Variants in DYSF observed in about 807,000 individuals in gnomAD.
DYSF encodes dysferlin.
DYSF carries 212 observed loss-of-function variants against 274.9 expected under a neutral mutation model. The ratio of observed to expected loss-of-function variants is 0.77; its 90% CI spans 0.69 to 0.86. DYSF has a LOEUF of 0.86. Ranked by LOEUF, DYSF falls within the 40% of genes least tolerant of loss-of-function variation. The pLI is 0.00. For missense variants in DYSF, 2,666 were observed against 2,783.2 expected (o/e 0.96, Z 0.95); for synonymous variants, 1,091 against 1,078.7 (o/e 1.01, Z -0.22).
At chr2:71,579,722 G>A (rs1386206867) in intron 30 of DYSF, among the ~76,000 whole-genome samples, 1 of 152,148 alleles carries the variant, frequency 6.6e-6, no homozygotes, top group African/African-American at 2.4e-5. Context: ...AGCCGTGGGT[G>A]GCTACTTAAG....
intron 43 of DYSF, among the ~76,000 whole-genome samples, chr2:71,658,637 G>A (rs2094819924): frequency 1.3e-5 from 2 of 152,192 alleles, no homozygotes; most frequent in Non-Finnish European, 2.9e-5. Context: ...AAGAGAAAAG[G>A]AGGAGGAAGC....
chr2:71,546,872 C>T (rs1051924376), intron 17 of DYSF, among the ~76,000 whole-genome samples: 2 of 152,238 alleles, frequency 1.3e-5, no homozygotes. Context: ...CGGGGCAGAC[C>T]GCAGGTGATG....
At chr2:71,662,486 A>G (rs1291711525) in intron 45 of DYSF, among the ~76,000 whole-genome samples, 1 of 145,700 alleles carries the variant, frequency 6.9e-6, no homozygotes, top group Non-Finnish European at 1.5e-5. Context: ...GTGTGTATGT[A>G]TTTGTGTGTA....
chr2:71,480,856 C>G (rs1415917050), intron 1 of DYSF, 27 bp from the exon 2 acceptor site: 2 of 1,609,756 alleles, frequency 1.2e-6, no homozygotes, highest in South Asian at 1.1e-5. Context: ...ATGTGTCTCT[C>G]CATTCTCCCT....
At chr2:71,564,263 G>T in intron 24 of DYSF, 50 bp downstream of exon 24, 1 of 1,609,718 alleles carries the variant, frequency 6.2e-7, no homozygotes, top group Non-Finnish European at 8.5e-7. Flanking sequence ...CCAACATAAG[G>T]CCTTTCTCCC....
intron 42 of DYSF, among the ~76,000 whole-genome samples, chr2:71,645,280 G>A (rs2094549286): frequency 6.6e-6 from 1 of 152,150 alleles, no homozygotes; most frequent in Non-Finnish European, 1.5e-5. Flanking sequence ...GTAGCTCTCA[G>A]CAGATTGGGG....
At chr2:71,473,700 C>A (rs2082195594) in intron 1 of DYSF, among the ~76,000 whole-genome samples, 1 of 152,148 alleles carries the variant, frequency 6.6e-6, no homozygotes, top group Non-Finnish European at 1.5e-5. Context: ...CCATTTCCCA[C>A]CTGGACTTAA....
rs78357449 is a variant in DYSF, at chr2:71,518,677, C to T, written c.1003-1501C>T. 8.7e-4 allele frequency among the ~76,000 whole-genome samples: 133 copies of T among 152,302 alleles called. 2 individuals are homozygous for T. The East Asian group carries it at 0.022, about 25-fold the overall frequency. On this transcript the variant is annotated intron_variant, in intron 10 of 55. Transcript: ENST00000410020. The stretch of plus-strand genomic sequence containing the variant: ...GCACAAGCTTATTTTCCCCTCTCCC[C>T]TCTATCCAAGTATATCATGCCTTCC...
Position 71,555,103 on chromosome 2 carries a change from C to A in DYSF, c.2110-862C>A, listed in dbSNP as rs191796889. Among the ~76,000 whole-genome samples the A allele has an allele frequency of 2.8e-3, 424 of 151,836 alleles. 3 individuals are homozygous for A. The highest frequency in any genetic ancestry group is 5.4e-3 in the Non-Finnish European group (366 of 67,894). On this transcript the variant is annotated intron_variant, in intron 21 of 55. Coordinates refer to ENST00000410020, the MANE Select transcript of DYSF (RefSeq NM_001130987.2). ...AAGGTGGACAGAGAAGGGAAAGAGGCCATGGTGGTCCCACCTTCCCAGAGA... is the reference window on the plus strand; with the variant it reads ...AAGGTGGACAGAGAAGGGAAAGAGGACATGGTGGTCCCACCTTCCCAGAGA...
At chr2:71,529,345 A>G (rs993609971) in intron 14 of DYSF, among the ~76,000 whole-genome samples, 9 of 152,184 alleles carry the variant, frequency 5.9e-5, no homozygotes, top group Middle Eastern at 3.4e-3. Context: ...CTCTCAACTC[A>G]TGGCATTGAA....
chr2:71,578,828 T>C (rs2152829680), intron 30 of DYSF, among the ~76,000 whole-genome samples: 1 of 152,322 alleles, frequency 6.6e-6, no homozygotes, highest in African/African-American at 2.4e-5. Context: ...TGTCTGCTCA[T>C]TAGCACGGGC....
At chr2:71,634,765 T>A (rs1258355962) in intron 41 of DYSF, among the ~76,000 whole-genome samples, 1 of 152,178 alleles carries the variant, frequency 6.6e-6, no homozygotes, top group Non-Finnish European at 1.5e-5. Context: ...TGGGCTTCCA[T>A]AATGTCATGA....
intron 30 of DYSF, among the ~76,000 whole-genome samples, chr2:71,578,827 A>G (rs1015082296): frequency 2.0e-5 from 3 of 152,314 alleles, no homozygotes; most frequent in South Asian, 2.1e-4. Context: ...CTGTCTGCTC[A>G]TTAGCACGGG....
At chr2:71,545,593 C>G (rs1559124582) in intron 17 of DYSF, among the ~76,000 whole-genome samples, 1 of 152,134 alleles carries the variant, frequency 6.6e-6, no homozygotes, top group Non-Finnish European at 1.5e-5. Flanking sequence ...GGTCAGTACT[C>G]TTGGTATGGA....
chr2:71,669,280 C>T (rs1039495028), intron 50 of DYSF, 73 bp downstream of exon 50: 221 of 1,292,598 alleles, frequency 1.7e-4, no homozygotes, highest in African/African-American at 1.0e-4. Flanking sequence ...GTGCACAGCA[C>T]GGGGGGCTCT....
At chr2:71,610,117 A>G (rs188010764) in intron 36 of DYSF, among the ~76,000 whole-genome samples, 2 of 152,338 alleles carry the variant, frequency 1.3e-5, no homozygotes, top group East Asian at 1.9e-4. Context: ...ATTTATTATA[A>G]CAATTTCCCA....
chr2:71,662,721 G>GT (rs1467625387), intron 45 of DYSF, among the ~76,000 whole-genome samples: 1 of 147,982 alleles, frequency 6.8e-6, no homozygotes, highest in Non-Finnish European at 1.5e-5. Flanking sequence ...ATGTATGTGT[G>GT]TGTATGTGTA....
At chr2:71,540,337 C>T (rs753119070) in intron 17 of DYSF, among the ~76,000 whole-genome samples, 1 of 152,052 alleles carries the variant, frequency 6.6e-6, no homozygotes, top group Non-Finnish European at 1.5e-5. Flanking sequence ...TCTCGAACTC[C>T]TGGCCTCATG....
rs576022682 is a variant in DYSF, at chr2:71,639,362, G to A, written c.4528-4603G>A. On this transcript the variant is annotated intron_variant, in intron 41 of 55. Coordinates refer to ENST00000410020, the MANE Select transcript of DYSF (RefSeq NM_001130987.2). ...ATTTTTAATTTTTAAAGCTATGCAA[G>A]GAATACTTGCATACAATGAAAAATT... 5.3e-5 allele frequency among the ~76,000 whole-genome samples: 8 copies of A among 151,980 alleles called. No homozygotes were observed. The East Asian group carries it at 1.5e-3, about 29-fold the overall frequency.
Sources: allele counts gnomAD v4.1 joint callset (sites outside exome capture counted in the v4.1 genomes callset), GRCh38; gene constraint gnomAD v4.1.1; transcripts MANE v1.5; gene names NCBI Gene and HGNC (gene_info 2026-07-23, HGNC 2026-07-21).